The following TMEM63C variants were observed in gnomAD, a reference collection of about 807,000 sequenced individuals.
TMEM63C encodes the protein transmembrane protein 63C.
TMEM63C carries 32 observed loss-of-function variants against 99.2 expected under a neutral mutation model. The observed-to-expected ratio is 0.32, with a 90% confidence interval of 0.24 to 0.43. The LOEUF is 0.43. TMEM63C is among the 20% of genes least tolerant of loss of function. The pLI is 1.00. For missense variants in TMEM63C, 826 were observed against 1,053.0 expected (o/e 0.78, Z 2.98); for synonymous variants, 376 against 397.9 (o/e 0.94, Z 0.66).
Position 77,236,727 on chromosome 14 carries a change from C to CA in TMEM63C, c.650dup (p.Val218GlyfsTer15). On this transcript the variant is annotated frameshift_variant, in exon 9 of 24. Coordinates refer to ENST00000298351, the MANE Select transcript of TMEM63C (RefSeq NM_020431.4). LOFTEE classifies it high-confidence loss of function. ...CCTGGGGTTTGCACCCAGGAATAGC[C>CA]AAAAGGTAAGTAGCCTACAAAGCTG... 1 of 1,608,326 alleles carries CA rather than the reference C, an allele frequency of 6.2e-7. No homozygotes were observed. Among genetic ancestry groups the CA allele is most frequent in the Non-Finnish European group, 8.5e-7 (1 of 1,175,476 alleles).
rs1010896733 is a variant in TMEM63C, at chr14:77,219,057, G to A, written c.150+94G>A. On this transcript the variant is annotated intron_variant, in intron 3 of 23. Transcript: ENST00000298351. ...CAGTGGGGGACCCAGTTGTCCAAAT[G>A]GACAACAACAACATTGATACAAACT... 42 of 1,319,878 alleles carry A rather than the reference G, an allele frequency of 3.2e-5. No homozygotes were observed. The Admixed American group carries it at 1.2e-3, about 39-fold the overall frequency. 81.8% of individuals were successfully genotyped at this position (1,319,878 alleles called of 1,614,324 possible).
intron 7 of TMEM63C, 68 bp downstream of exon 7, chr14:77,231,798 G>T: frequency 6.5e-7 from 1 of 1,530,646 alleles, no homozygotes; most frequent in Non-Finnish European, 8.8e-7. Context: ...AGCCAGTCAG[G>T]GCTGGGGTTG....
intron 1 of TMEM63C, among the ~76,000 whole-genome samples, chr14:77,211,649 G>C (rs575246301): frequency 6.6e-6 from 1 of 152,306 alleles, no homozygotes; most frequent in East Asian, 1.9e-4. Flanking sequence ...CTGGAGGCCT[G>C]GGAGTGAGCA....
chr14:77,202,839 ACACACACACACACACACACACACACACG>A (rs1888322695), intron 1 of TMEM63C, among the ~76,000 whole-genome samples: 2 of 71,072 alleles, frequency 2.8e-5, no homozygotes, highest in South Asian at 5.2e-4. Context: ...ACACACACAC[ACACACACACACACACACACACACACACG>A]CACACACACC....
At position 77,256,511 on chromosome 14, in the gene TMEM63C, C is replaced by G. The variant is rs770103296; in HGVS notation, c.2221-15C>G. 6.2e-7 allele frequency: 1 copy of G among 1,613,754 alleles called. No individual in the cohort carries two copies. The highest frequency in any genetic ancestry group is 2.2e-5 in the East Asian group (1 of 44,874). On this transcript the variant is annotated splice_polypyrimidine_tract_variant and intron_variant, in intron 23 of 23. Coordinates refer to ENST00000298351, the MANE Select transcript of TMEM63C (RefSeq NM_020431.4). ...ACGTGACCTTGCTCCTGTCCCCTGT[C>G]TCTATCCCAAGCAGCTGTATGTGGC... is the stretch of plus-strand genomic sequence containing the variant.
intron 1 of TMEM63C, among the ~76,000 whole-genome samples, chr14:77,186,807 G>GTGTC (rs1888006418): frequency 6.6e-6 from 1 of 150,560 alleles, no homozygotes. Flanking sequence ...GTGTCTGTGT[G>GTGTC]TGTGTGTGTG....
At chr14:77,249,241 G>A (rs1276079716) in intron 20 of TMEM63C, 50 bp from the exon 21 acceptor site, 1 of 1,594,966 alleles carries the variant, frequency 6.3e-7, no homozygotes, top group Non-Finnish European at 8.6e-7. Flanking sequence ...GAGCCACAAA[G>A]GTCCAGACTT....
chr14:77,219,889 G>A lies in TMEM63C; in HGVS notation c.231-117G>A, dbSNP rs1327027855. 18 of 922,358 alleles carry A rather than the reference G, an allele frequency of 2.0e-5. 1 individual carries two copies. The highest frequency in any genetic ancestry group is 3.1e-4 in the Middle Eastern group (1 of 3,212). The allele number at this position is 922,358 out of a possible 1,614,324, so 57.1% of individuals were successfully genotyped here. A position where few individuals can be genotyped will look rare whatever the true frequency, so the allele number is the denominator to read the frequency against. Reference sequence around the variant, plus strand: ...GTGCTCAGCAAAGGAGCTGAGGAGCGCCTGCCCGTGGCAGAGCAGAGGGCA... The same window carrying A: ...GTGCTCAGCAAAGGAGCTGAGGAGCACCTGCCCGTGGCAGAGCAGAGGGCA... On this transcript the variant is annotated intron_variant, in intron 4 of 23. Transcript: ENST00000298351.
At chr14:77,202,912 GGAGA>G (rs5809816) in intron 1 of TMEM63C, among the ~76,000 whole-genome samples, 14,523 of 151,552 alleles carry the variant, frequency 0.096, 1,033 homozygotes, top group African/African-American at 0.21. Flanking sequence ...GCTCCTGAGA[GGAGA>G]GAGAGTCCCT....
rs1356043669 is a variant in TMEM63C at position 77,236,707 on chromosome 14, G to A, written c.626G>A (p.Gly209Glu). The change falls in exon 9 of 24, where the codon GGG becomes GAG. Residue 209 changes from glycine (G) to glutamate (E), a missense_variant. By Grantham distance (98) the Gly-to-Glu change is moderately conservative (BLOSUM62 -2). Transcript: ENST00000298351. ...ATGTTCATGGCTCATCACTGCCTGGGGTTTGCACCCAGGAATAGCCAAAAG... is the reference window on the plus strand; with the variant it reads ...ATGTTCATGGCTCATCACTGCCTGGAGTTTGCACCCAGGAATAGCCAAAAG... ...NFMFMAHHCL[G>E]FAPRNSQKVT... The A allele has an allele frequency of 6.2e-6, 10 of 1,612,676 alleles. No homozygotes were observed. The highest frequency in any genetic ancestry group is 1.1e-5 in the South Asian group (1 of 91,050).
intron 1 of TMEM63C, among the ~76,000 whole-genome samples, chr14:77,186,441 T>C (rs548311957): frequency 1.1e-4 from 16 of 152,306 alleles, no homozygotes; most frequent in African/African-American, 3.1e-4. Flanking sequence ...TGGTGGCTCA[T>C]GCCTATAATC....
intron 1 of TMEM63C, among the ~76,000 whole-genome samples, chr14:77,192,184 A>G (rs996685216): frequency 1.6e-4 from 25 of 152,168 alleles, no homozygotes; most frequent in Non-Finnish European, 2.9e-5. Flanking sequence ...GAGCCTTTAC[A>G]TCTAAGGTTC....
At chr14:77,204,716 T>C (rs115944996) in intron 1 of TMEM63C, among the ~76,000 whole-genome samples, 2,600 of 152,354 alleles carry the variant, frequency 0.017, 81 homozygotes, top group African/African-American at 0.059. Context: ...TTAACTTTAT[T>C]GAGCCATTGC....
chr14:77,248,222 G>C (rs1889296495), intron 18 of TMEM63C, 125 bp from the exon 19 acceptor site: 1 of 782,786 alleles, frequency 1.3e-6, no homozygotes. Context: ...TATTCTCCTT[G>C]TCTGTATCTG....
intron 2 of TMEM63C, among the ~76,000 whole-genome samples, chr14:77,214,767 C>T (rs976023612): frequency 6.6e-6 from 1 of 152,050 alleles, no homozygotes; most frequent in African/African-American, 2.4e-5. Flanking sequence ...CTCGCTCCCA[C>T]GGTCATGTCC....
At chr14:77,186,724 T>A (rs1888000536) in intron 1 of TMEM63C, among the ~76,000 whole-genome samples, 1 of 151,668 alleles carries the variant, frequency 6.6e-6, no homozygotes, top group Non-Finnish European at 1.5e-5. Flanking sequence ...TCAAAAAGGC[T>A]TCTCACATCC....
chr14:77,221,009 T>C (rs1376473120), intron 5 of TMEM63C, among the ~76,000 whole-genome samples: 1 of 2,442 alleles, frequency 4.1e-4, no homozygotes, highest in African/African-American at 1.2e-3. Context: ...CACTCTCGCC[T>C]CCCCTCCCAC....
intron 14 of TMEM63C, 147 bp downstream of exon 14, chr14:77,242,616 G>A: frequency 8.4e-7 from 1 of 1,195,242 alleles, no homozygotes; most frequent in Non-Finnish European, 1.2e-6. Context: ...CACAACCTGT[G>A]TGTATGCCCA....
intron 8 of TMEM63C, among the ~76,000 whole-genome samples, chr14:77,236,007 T>G (rs574012182): frequency 0.066 from 240 of 3,654 alleles, 30 homozygotes; most frequent in Admixed American, 0.14. Flanking sequence ...CTGGGGAGAC[T>G]GTGATGGGTG....
Sources: allele counts gnomAD v4.1 joint callset (sites outside exome capture counted in the v4.1 genomes callset), GRCh38; gene constraint gnomAD v4.1.1; transcripts MANE v1.5; gene names NCBI Gene and HGNC (gene_info 2026-07-23, HGNC 2026-07-21).